Variants in NFIC observed in about 807,000 individuals in gnomAD.
The protein encoded by NFIC is nuclear factor 1 C-type.
Under a neutral mutation model 54.4 loss-of-function variants are expected in NFIC, and 12 were observed. That is an observed-to-expected ratio of 0.22 (90% CI 0.14 to 0.36). NFIC has a LOEUF of 0.36. NFIC is among the 10% of genes least tolerant of loss of function. The pLI is 1.00. For synonymous variants in NFIC, 322 were observed against 319.2 expected (o/e 1.01, Z -0.09); for missense variants, 575 against 718.2 (o/e 0.80, Z 2.28).
chr19:3,454,591 G>A (rs2082522927), intron 9 of NFIC, among the ~76,000 whole-genome samples: 2 of 151,830 alleles, frequency 1.3e-5, no homozygotes, highest in Admixed American at 1.3e-4. Flanking sequence ...CACCCCATTC[G>A]TCCGCAGTGG....
rs2082614800 is a variant in NFIC at position 3,459,843 on chromosome 19, C to T, written c.1510-2909C>T. On this transcript the variant is annotated intron_variant, in intron 10 of 10. Transcript: ENST00000443272. The surrounding 1 kb of genome is among the most constrained non-coding windows in gnomAD (Gnocchi z 4.2). ...CTGTGGCGCCAGTTCCATGGGCTGG[C>T]CCAGTGGCTGCCTGGTTGGAGGGGC... is the stretch of plus-strand genomic sequence containing the variant. 6.6e-6 allele frequency among the ~76,000 whole-genome samples: 1 copy of T among 152,226 alleles called. No homozygotes were observed. Among genetic ancestry groups the T allele is most frequent in the Admixed American group, 6.5e-5 (1 of 15,280 alleles).
chr19:3,464,341 A>C lies in NFIC; in HGVS notation c.*1572A>C, dbSNP rs7258954. The C allele has an allele frequency of 8.2e-4, 812 of 984,916 alleles. 5 individuals are homozygous for C. The African/African-American group carries it at 0.013, about 16-fold the overall frequency. The allele number at this position is 984,916 out of a possible 1,614,324, so 61.0% of individuals were successfully genotyped here. On this transcript the variant is annotated 3_prime_UTR_variant, in exon 11 of 11. Coordinates refer to ENST00000443272, the MANE Select transcript of NFIC (RefSeq NM_001245002.2). ...CGTGTAGGGGGCCTCCCATCTGCTAAGCGTTTTTCCGTTGAGCCGCTCCAA... is the reference window on the plus strand; with the variant it reads ...CGTGTAGGGGGCCTCCCATCTGCTACGCGTTTTTCCGTTGAGCCGCTCCAA...
Position 3,370,746 on chromosome 19 carries a change from C to G in NFIC, c.30+4080C>G. 6.6e-6 allele frequency among the ~76,000 whole-genome samples: 1 copy of G among 151,952 alleles called. No homozygotes were observed. The highest frequency in any genetic ancestry group is 2.4e-5 in the African/African-American group (1 of 41,408). On this transcript the variant is annotated intron_variant, in intron 1 of 10. Coordinates refer to ENST00000443272, the MANE Select transcript of NFIC (RefSeq NM_001245002.2). This position sits in a 1 kb window ranked among gnomAD's most constrained non-coding sequence, Gnocchi z 5.2. ...TCTCTCTCTGTTCCTCCTCTTCTTT[C>G]TCTCTCTCTGTCTCTCTGAGCTGGC...
chr19:3,446,069 T>C (rs543640449), intron 6 of NFIC, among the ~76,000 whole-genome samples: 2 of 152,022 alleles, frequency 1.3e-5, no homozygotes, highest in Non-Finnish European at 2.9e-5. Flanking sequence ...GTGCTGAGAC[T>C]GAGAAATCCT....
At position 3,467,758 on chromosome 19, in the gene NFIC, C is replaced by CATATGTATATATATATATATATATAT; in HGVS notation, c.*4993_*4994insGTATATATATATATATATATATATAT. The CATATGTATATATATATATATATATAT allele has an allele frequency of 1.4e-5, 1 of 69,636 alleles. No homozygotes were observed. Among genetic ancestry groups the CATATGTATATATATATATATATATAT allele is most frequent in the South Asian group, 4.8e-4 (1 of 2,086 alleles). The allele number at this position is 69,636 out of a possible 1,614,324, so 4.3% of individuals were successfully genotyped here. A position where few individuals can be genotyped will look rare whatever the true frequency, so the allele number is the denominator to read the frequency against. ...ACCTCCAGTGTAGGGCTATACTATA[C>CATATGTATATATATATATATATATAT]ATATATATATATATATATATATATA... On this transcript the variant is annotated 3_prime_UTR_variant, in exon 11 of 11. Coordinates refer to ENST00000443272, the MANE Select transcript of NFIC (RefSeq NM_001245002.2).
intron 2 of NFIC, among the ~76,000 whole-genome samples, chr19:3,392,748 C>A (rs953196496): frequency 6.6e-6 from 1 of 152,190 alleles, no homozygotes; most frequent in Non-Finnish European, 1.5e-5. Flanking sequence ...CCAGGCCAGC[C>A]CCCTCCCTCC....
At chr19:3,437,544 T>C (rs927795400) in intron 6 of NFIC, among the ~76,000 whole-genome samples, 3 of 151,674 alleles carry the variant, frequency 2.0e-5, no homozygotes, top group Non-Finnish European at 4.4e-5. Context: ...TTTTTGTTTG[T>C]TTGTTGTTTT....
At chr19:3,456,503 C>T (rs202128971) in intron 9 of NFIC, 47 bp from the exon 10 acceptor site, 3 of 1,542,708 alleles carry the variant, frequency 1.9e-6, no homozygotes, top group African/African-American at 2.7e-5. Context: ...CGCCCCGGCT[C>T]CCACAACCCC....
intron 3 of NFIC, among the ~76,000 whole-genome samples, chr19:3,428,196 GAA>G (rs2082058684): frequency 6.7e-6 from 1 of 148,834 alleles, no homozygotes; most frequent in African/African-American, 2.5e-5. Flanking sequence ...GAAAAGAAAA[GAA>G]AAAGAAGGAA....
intron 1 of NFIC, among the ~76,000 whole-genome samples, chr19:3,378,881 C>G (rs544725134): frequency 6.6e-6 from 1 of 151,988 alleles, no homozygotes; most frequent in South Asian, 2.1e-4. Flanking sequence ...CCCGGGATTT[C>G]TCCTCCCTCT....
intron 2 of NFIC, among the ~76,000 whole-genome samples, chr19:3,384,300 C>G (rs2081258598): frequency 6.6e-6 from 1 of 151,952 alleles, no homozygotes; most frequent in Non-Finnish European, 1.5e-5. Context: ...CTCCTGGGCT[C>G]AAGCCATCCT....
At position 3,453,854 on chromosome 19, in the gene NFIC, T is replaced by G; in HGVS notation, c.1361T>G (p.Leu454Arg). The change falls in exon 9 of 11, where the codon CTC becomes CGC. Residue 454 changes from leucine to arginine, a missense_variant. Transcript: ENST00000443272. The surrounding 1 kb of genome is among the most constrained non-coding windows in gnomAD (Gnocchi z 6.7). Reference protein sequence around the residue: ...PPPPGLPRLALPPATKPATTS... With the variant: ...PPPPGLPRLARPPATKPATTS... Reference sequence around the variant, plus strand: ...CCCCCGGGGCTGCCACGGCTGGCGCTCCCCCCTGCCACCAAACCCGCCACC... The same window carrying G: ...CCCCCGGGGCTGCCACGGCTGGCGCGCCCCCCTGCCACCAAACCCGCCACC... The G allele has an allele frequency of 1.3e-6, 2 of 1,556,854 alleles. No individual in the cohort carries two copies. The highest frequency in any genetic ancestry group is 2.5e-5 in the East Asian group (1 of 40,710).
At chr19:3,405,084 A>G (rs2081624933) in intron 2 of NFIC, among the ~76,000 whole-genome samples, 1 of 152,244 alleles carries the variant, frequency 6.6e-6, no homozygotes, top group Non-Finnish European at 1.5e-5. Flanking sequence ...GCCGGGTGGA[A>G]AGAAAAAAGA....
At chr19:3,401,574 C>T (rs1477602169) in intron 2 of NFIC, among the ~76,000 whole-genome samples, 1 of 152,188 alleles carries the variant, frequency 6.6e-6, no homozygotes, top group Non-Finnish European at 1.5e-5. Context: ...GCACTGGGCA[C>T]GCCTGGGAGC....
intron 2 of NFIC, among the ~76,000 whole-genome samples, chr19:3,417,352 C>T (rs989657988): frequency 1.3e-5 from 2 of 152,114 alleles, no homozygotes; most frequent in East Asian, 1.9e-4. Context: ...TTGGGAAATA[C>T]GCTGTGCGCA....
At chr19:3,384,535 A>G (rs1001199736) in intron 2 of NFIC, among the ~76,000 whole-genome samples, 1 of 151,970 alleles carries the variant, frequency 6.6e-6, no homozygotes, top group African/African-American at 2.4e-5. Flanking sequence ...CTTACAGGTG[A>G]CTGCCACCAC....
At position 3,465,791 on chromosome 19, in the gene NFIC, G is replaced by A. The variant is rs868378227; in HGVS notation, c.*3022G>A. Reference sequence around the variant, plus strand: ...GGGGTGGCCACTCCACCCGCAGCCAGACTCCCCGCTCCCCACTTTTCATGC... The same window carrying A: ...GGGGTGGCCACTCCACCCGCAGCCAAACTCCCCGCTCCCCACTTTTCATGC... On this transcript the variant is annotated 3_prime_UTR_variant, in exon 11 of 11. Coordinates refer to ENST00000443272, the MANE Select transcript of NFIC (RefSeq NM_001245002.2). 2 of 152,320 alleles carry A rather than the reference G, an allele frequency of 1.3e-5. No individual in the cohort carries two copies. Among genetic ancestry groups the A allele is most frequent in the Non-Finnish European group, 2.9e-5 (2 of 68,140 alleles). The allele number at this position is 152,320 out of a possible 1,614,324, so 9.4% of individuals were successfully genotyped here.
chr19:3,409,241 G>T (rs541712075), intron 2 of NFIC, among the ~76,000 whole-genome samples: 3 of 152,026 alleles, frequency 2.0e-5, no homozygotes, highest in Non-Finnish European at 4.4e-5. Context: ...TTCCTGCCCC[G>T]TGGACCTTGC....
chr19:3,445,699 CT>C (rs1221810793), intron 6 of NFIC, among the ~76,000 whole-genome samples: 1 of 152,186 alleles, frequency 6.6e-6, no homozygotes, highest in Admixed American at 6.5e-5. Flanking sequence ...TGGGCTCCCC[CT>C]GGGCTGCAGC....
Sources: allele counts gnomAD v4.1 joint callset (sites outside exome capture counted in the v4.1 genomes callset), GRCh38; gene constraint gnomAD v4.1.1; non-coding constraint Gnocchi (gnomAD v3.1); transcripts MANE v1.5; gene names NCBI Gene and HGNC (gene_info 2026-07-23, HGNC 2026-07-21).